Variants in STK3 observed in about 807,000 individuals in gnomAD.
STK3 encodes serine/threonine-protein kinase 3.
A neutral mutation model predicts 58.0 loss-of-function variants in STK3; 41 were observed. That is an observed-to-expected ratio of 0.71 (90% CI 0.55 to 0.92). The LOEUF (loss-of-function observed/expected upper bound fraction) is 0.92. Among genes scored for constraint, STK3 ranks in the 40% least tolerant of loss-of-function variants. STK3 has a pLI of 0.00. For synonymous variants in STK3, 170 were observed against 191.0 expected (o/e 0.89, Z 0.91); for missense variants, 479 against 602.7 (o/e 0.79, Z 2.15).
At chr8:98,847,317 T>C (rs931069592) in intron 3 of STK3, among the ~76,000 whole-genome samples, 1 of 152,186 alleles carries the variant, frequency 6.6e-6, no homozygotes, top group Non-Finnish European at 1.5e-5. Flanking sequence ...TTCTATAGCA[T>C]ATACCTGTGC....
chr8:98,521,798 G>A (rs1219237430), intron 10 of STK3, among the ~76,000 whole-genome samples: 1 of 152,028 alleles, frequency 6.6e-6, no homozygotes, highest in Non-Finnish European at 1.5e-5. Context: ...TGTAGTTCCT[G>A]CCTTCTCTCT....
intron 10 of STK3, among the ~76,000 whole-genome samples, chr8:98,502,879 C>T (rs908956442): frequency 1.1e-4 from 16 of 152,126 alleles, no homozygotes; most frequent in African/African-American, 3.9e-4. Context: ...TTTTGTGTGT[C>T]TCTGCCAGGC....
chr8:98,925,126 C>A (rs565835182), intron 1 of STK3, among the ~76,000 whole-genome samples: 1 of 152,324 alleles, frequency 6.6e-6, no homozygotes, highest in South Asian at 2.1e-4. Flanking sequence ...AGAGTGGGTG[C>A]TTTGGGGCCC....
At chr8:98,626,499 G>A (rs914525886) in intron 6 of STK3, among the ~76,000 whole-genome samples, 2 of 152,146 alleles carry the variant, frequency 1.3e-5, no homozygotes, top group South Asian at 4.2e-4. Flanking sequence ...CTGCAGCAGA[G>A]ACCATATAAC....
intron 1 of STK3, among the ~76,000 whole-genome samples, chr8:98,805,345 C>A (rs903655474): frequency 1.3e-5 from 2 of 152,052 alleles, no homozygotes; most frequent in Non-Finnish European, 2.9e-5. Context: ...TTTGGGAGGC[C>A]GAGGCGGGCA....
At chr8:98,751,779 A>G (rs1416718311) in intron 3 of STK3, among the ~76,000 whole-genome samples, 1 of 152,114 alleles carries the variant, frequency 6.6e-6, no homozygotes, top group Non-Finnish European at 1.5e-5. Context: ...CATCTCTACT[A>G]CAAATACAAA....
chr8:98,733,177 C>G (rs575109907), intron 4 of STK3, among the ~76,000 whole-genome samples: 102 of 152,272 alleles, frequency 6.7e-4, no homozygotes, highest in Non-Finnish European at 1.3e-3. Context: ...TACTGAGCAC[C>G]CATCCTAGGA....
chr8:98,605,669 TTTA>T lies in STK3; in HGVS notation c.685-9503_685-9501del, dbSNP rs541351864. Among the ~76,000 whole-genome samples, 1,009 of 152,242 alleles carry T rather than the reference TTTA, an allele frequency of 6.6e-3. 5 individuals carry two copies. Among genetic ancestry groups the T allele is most frequent in the Non-Finnish European group, 9.2e-3 (625 of 68,020 alleles). On this transcript the variant is annotated intron_variant, in intron 6 of 10. Transcript: ENST00000419617. Reference sequence around the variant, plus strand: ...AATGTAGTGGTTCATACAACACAAGTTTATTATCTTACAGCTCTTTAGGTTAGA... The same window carrying T: ...AATGTAGTGGTTCATACAACACAAGTTTATCTTACAGCTCTTTAGGTTAGA...
chr8:98,599,341 T>C (rs1368252497), intron 6 of STK3, among the ~76,000 whole-genome samples: 1 of 152,038 alleles, frequency 6.6e-6, no homozygotes, highest in African/African-American at 2.4e-5. Context: ...ACAGTACAAA[T>C]AAAAGCAAAC....
chr8:98,786,970 A>C (rs1372757243), intron 1 of STK3, among the ~76,000 whole-genome samples: 2 of 152,010 alleles, frequency 1.3e-5, no homozygotes, highest in Non-Finnish European at 2.9e-5. Context: ...GGAGATCGAG[A>C]CCTTCCTGGC....
At chr8:98,562,737 GAAAAAAA>G (rs778049177) in intron 8 of STK3, among the ~76,000 whole-genome samples, 27 of 17,384 alleles carry the variant, frequency 1.6e-3, no homozygotes, top group African/African-American at 6.7e-3. Flanking sequence ...CACAAAAAAT[GAAAAAAA>G]AAAAAAAAAA....
At chr8:98,484,577 G>A (rs1030312647) in intron 10 of STK3, among the ~76,000 whole-genome samples, 26 of 151,924 alleles carry the variant, frequency 1.7e-4, no homozygotes, top group African/African-American at 9.7e-5. Flanking sequence ...TACTTTCAAT[G>A]TGACTAAACG....
upstream of STK3, among the ~76,000 whole-genome samples, chr8:98,390,888 T>C (rs972294882): frequency 2.0e-5 from 3 of 152,228 alleles, no homozygotes; most frequent in African/African-American, 7.2e-5. Context: ...TCCATTTTGT[T>C]CTCTTTATAT....
chr8:98,505,819 G>T (rs550000904), intron 10 of STK3, among the ~76,000 whole-genome samples: 1 of 152,282 alleles, frequency 6.6e-6, no homozygotes, highest in African/African-American at 2.4e-5. Context: ...GGCCCCTACT[G>T]GGAGGTGTCT....
chr8:98,622,946 A>C (rs771696991), intron 6 of STK3, among the ~76,000 whole-genome samples: 27 of 152,224 alleles, frequency 1.8e-4, no homozygotes, highest in Non-Finnish European at 3.7e-4. Context: ...CAACGGTAGT[A>C]GTAATAATGA....
At chr8:98,584,394 C>G (rs1459731620) in intron 7 of STK3, among the ~76,000 whole-genome samples, 2 of 151,836 alleles carry the variant, frequency 1.3e-5, no homozygotes, top group Non-Finnish European at 2.9e-5. Flanking sequence ...TGATGATTTC[C>G]AATTTCATCC....
Position 98,421,039 on chromosome 8 carries a change from G to A in STK3, n.483+13088C>T, listed in dbSNP as rs545588583. Among the ~76,000 whole-genome samples the A allele has an allele frequency of 5.9e-5, 9 of 152,292 alleles. 1 individual carries two copies. Among genetic ancestry groups the A allele is most frequent in the African/African-American group, 2.2e-4 (9 of 41,558 alleles). ...GCGGGGCTGGCTCTTCATTTTCTCTGCCATCTTCATCTTCCGTAGTCACCT... is the reference window on the plus strand; with the variant it reads ...GCGGGGCTGGCTCTTCATTTTCTCTACCATCTTCATCTTCCGTAGTCACCT... On this transcript the variant is annotated intron_variant and non_coding_transcript_variant, in intron 3 of 3. Coordinates refer to the STK3 transcript ENST00000517832.
intron 3 of STK3, among the ~76,000 whole-genome samples, chr8:98,755,044 G>A (rs1023422712): frequency 3.3e-5 from 5 of 152,168 alleles, no homozygotes; most frequent in African/African-American, 1.2e-4. Flanking sequence ...TAAGTCAAGA[G>A]AAAACTTTGG....
Position 98,383,116 on chromosome 8 carries a change from C to T in STK3, n.57-3909G>A, listed in dbSNP as rs562738027. Among the ~76,000 whole-genome samples, 15 of 152,264 alleles carry T rather than the reference C, an allele frequency of 9.9e-5. 1 individual carries two copies. The highest frequency in any genetic ancestry group is 8.5e-4 in the Admixed American group (13 of 15,290). On this transcript the variant is annotated intron_variant and non_coding_transcript_variant, in intron 1 of 2. Transcript: ENST00000518704. ...CTTCGAAGGGTTAGAATCTTGTCAG[C>T]AGGGAGTTTGTCTCATTCATCCTTA...
Sources: gnomAD v4.1 joint callset for allele counts (sites outside exome capture counted in the v4.1 genomes callset) on GRCh38, gnomAD v4.1.1 for gene constraint, MANE v1.5 for transcripts, NCBI Gene and HGNC (gene_info 2026-07-23, HGNC 2026-07-21) for gene names.